TXLNB: variants seen among roughly 807,000 people sequenced by gnomAD.
TXLNB encodes beta-taxilin.
In TXLNB, 37 loss-of-function variants were observed where a neutral mutation model predicts 57.4. The observed-to-expected ratio is 0.64, with a 90% CI of 0.50 to 0.85. The LOEUF (loss-of-function observed/expected upper bound fraction) is 0.85. Ranked by LOEUF, TXLNB falls within the 40% of genes least tolerant of loss-of-function variation. The probability of loss-of-function intolerance (pLI) is 0.00; values close to 1 mark genes in which losing one functional copy is unlikely to be tolerated. For missense variants in TXLNB, 848 were observed against 825.6 expected (o/e 1.03, Z -0.33); for synonymous variants, 302 against 309.6 (o/e 0.98, Z 0.26).
intron 7 of TXLNB, among the ~76,000 whole-genome samples, chr6:139,254,937 G>C (rs1776297304): frequency 6.6e-6 from 1 of 152,132 alleles, no homozygotes; most frequent in Non-Finnish European, 1.5e-5. Context: ...TCCTGCCTCA[G>C]CCTCCTGGGT....
chr6:139,255,616 C>T lies in TXLNB; in HGVS notation c.1025G>A (p.Trp342Ter). Residue 342 changes from tryptophan (W) to a stop codon, truncating the protein, a stop_gained, in exon 7 of 10, where the codon TGG becomes TAG. Transcript: ENST00000358430. LOFTEE classifies it high-confidence loss of function. Reference sequence around the variant, plus strand: ...CTTCAGCACTTTCGCCTGAAGTTTCCACTCTGCTGCCTGGTTCAGCAACTA... The same window carrying T: ...CTTCAGCACTTTCGCCTGAAGTTTCTACTCTGCTGCCTGGTTCAGCAACTA... ...KEYLLNQAAE[W>*]KLQAKVLKEQ... The T allele has an allele frequency of 1.2e-6, 2 of 1,613,880 alleles. No individual in the cohort carries two copies. Among genetic ancestry groups the T allele is most frequent in the Non-Finnish European group, 1.7e-6 (2 of 1,179,860 alleles).
At chr6:139,293,321 A>G (rs940832404), upstream of TXLNB, among the ~76,000 whole-genome samples, 2 of 152,004 alleles carry the variant, frequency 1.3e-5, no homozygotes, top group African/African-American at 4.8e-5. Context: ...CGAACTCCTG[A>G]CCTCATGATC....
At chr6:139,214,072 CT>C in the TXLNB span, among the ~76,000 whole-genome samples, 1 of 152,174 alleles carries the variant, frequency 6.6e-6, no homozygotes, top group Non-Finnish European at 1.5e-5. Flanking sequence ...GGTACCATTC[CT>C]TCTGAAACTA....
chr6:139,292,889 G>A (rs1224871004), upstream of TXLNB, among the ~76,000 whole-genome samples: 2 of 152,094 alleles, frequency 1.3e-5, no homozygotes, highest in East Asian at 1.9e-4. This position sits in a 1 kb window ranked among gnomAD's most constrained non-coding sequence, Gnocchi z 4.0. Context: ...TTCCTCCATC[G>A]GTTTCTGCTC....
At chr6:139,313,368 G>T in the TXLNB span, among the ~76,000 whole-genome samples, 2 of 152,204 alleles carry the variant, frequency 1.3e-5, no homozygotes, top group Non-Finnish European at 2.9e-5. Flanking sequence ...CGCTGCGCCC[G>T]GCCTGTCTTT....
At chr6:139,294,988 CA>C (rs533337037), upstream of TXLNB, among the ~76,000 whole-genome samples, 4,832 of 134,840 alleles carry the variant, frequency 0.036, 215 homozygotes, top group African/African-American at 0.11. Context: ...GACTCTGTCT[CA>C]AAAAAAAAAA....
At chr6:139,162,995 T>A in the TXLNB span, among the ~76,000 whole-genome samples, 1 of 152,222 alleles carries the variant, frequency 6.6e-6, no homozygotes, top group Non-Finnish European at 1.5e-5. Context: ...TCTCCCTGTT[T>A]CTGCCTTTTC....
chr6:139,212,526 G>A, the TXLNB span, among the ~76,000 whole-genome samples: 15 of 152,170 alleles, frequency 9.9e-5, no homozygotes, highest in African/African-American at 3.4e-4. Flanking sequence ...GCAAAAACAT[G>A]CCAAATTGTA....
chr6:139,175,075 C>A, the TXLNB span, among the ~76,000 whole-genome samples: 1 of 152,058 alleles, frequency 6.6e-6, no homozygotes, highest in African/African-American at 2.4e-5. Flanking sequence ...AGGTTGTAAT[C>A]CTTAAAGCAC....
At chr6:139,203,550 A>G in the TXLNB span, 1 of 151,918 alleles carries the variant, frequency 6.6e-6, no homozygotes, top group African/African-American at 2.4e-5. Context: ...ATGACAATGT[A>G]CTCTTCTGGC....
chr6:139,243,416 GA>G, intron 9 of TXLNB, 102 bp from the exon 10 acceptor site: 1 of 1,278,502 alleles, frequency 7.8e-7, no homozygotes, highest in Non-Finnish European at 1.1e-6. Flanking sequence ...ATTTGTCCCA[GA>G]ATTTGTCTAC....
chr6:139,168,399 GTTAA>G, the TXLNB span, among the ~76,000 whole-genome samples: 6,136 of 148,756 alleles, frequency 0.041, 133 homozygotes, highest in African/African-American at 0.063. Context: ...TTTTATTAGG[GTTAA>G]TTGATTATTT....
the TXLNB span, chr6:139,169,676 G>A: frequency 4.6e-5 from 7 of 152,190 alleles, no homozygotes; most frequent in African/African-American, 1.7e-4. Context: ...GCTTGTCTGT[G>A]TTCCATGTAG....
rs1775962846 is a variant in TXLNB at position 139,242,600 on chromosome 6, C to T, written c.1981G>A (p.Glu661Lys). 1.3e-6 allele frequency: 2 copies of T among 1,574,036 alleles called. No homozygotes were observed. Among genetic ancestry groups the T allele is most frequent in the Non-Finnish European group, 1.7e-6 (2 of 1,161,960 alleles). ...CCAGCTGAGGCCCCTACTGGCAGCTCCTCTGCTGCTGCTCGTGGGGGCTGC... is the reference window on the plus strand; with the variant it reads ...CCAGCTGAGGCCCCTACTGGCAGCTTCTCTGCTGCTGCTCGTGGGGGCTGC... ...SRQPPRAAAE[E>K]LPVGASAGPQ... The change falls in exon 10 of 10, where the codon GAG becomes AAG. Residue 661 changes from glutamate to lysine, a missense_variant. By Grantham distance (56) the Glu-to-Lys change is moderately conservative (BLOSUM62 1). Transcript: ENST00000358430.
chr6:139,164,050 A>T, the TXLNB span, among the ~76,000 whole-genome samples: 51 of 134,052 alleles, frequency 3.8e-4, no homozygotes, highest in Admixed American at 3.2e-3. Flanking sequence ...ATGGACTCTC[A>T]CACACACACA....
chr6:139,262,958 T>A (rs1776524595), intron 4 of TXLNB, among the ~76,000 whole-genome samples, 185 bp from the exon 5 acceptor site: 1 of 152,208 alleles, frequency 6.6e-6, no homozygotes, highest in South Asian at 2.1e-4. Context: ...AGTACATAGT[T>A]ACTCAGAACA....
chr6:139,183,787 G>A, the TXLNB span, among the ~76,000 whole-genome samples: 1 of 152,224 alleles, frequency 6.6e-6, no homozygotes, highest in African/African-American at 2.4e-5. Context: ...CTCCAGCACA[G>A]ATACTTCAAC....
intron 4 of TXLNB, among the ~76,000 whole-genome samples, chr6:139,268,151 CAAA>C (rs59647726): frequency 1.2e-4 from 8 of 64,556 alleles, no homozygotes; most frequent in African/African-American, 2.9e-4. Context: ...CTCCATCTCA[CAAA>C]AAAAAAAAAA....
the TXLNB span, among the ~76,000 whole-genome samples, chr6:139,319,232 C>T: frequency 3.4e-4 from 52 of 151,516 alleles, no homozygotes; most frequent in South Asian, 0.011. Context: ...ATGAGCACCA[C>T]ACCCAGCCAA....
Sources: gnomAD v4.1 joint callset for allele counts (sites outside exome capture counted in the v4.1 genomes callset) on GRCh38, gnomAD v4.1.1 for gene constraint, Gnocchi (gnomAD v3.1) non-coding constraint, MANE v1.5 for transcripts, NCBI Gene and HGNC (gene_info 2026-07-23, HGNC 2026-07-21) for gene names.